Variants in TLE4 observed in about 807,000 individuals in gnomAD.
The protein encoded by TLE4 is transducin-like enhancer protein 4.
In TLE4, 8 loss-of-function variants were observed where a neutral mutation model predicts 92.8. That is an observed-to-expected ratio of 0.09 (90% CI 0.05 to 0.16). The LOEUF (loss-of-function observed/expected upper bound fraction) is 0.16. TLE4 is among the 10% of genes least tolerant of loss of function. The probability of loss-of-function intolerance (pLI) is 1.00; values close to 1 mark genes in which losing one functional copy is unlikely to be tolerated. For synonymous variants in TLE4, 371 were observed against 374.1 expected (o/e 0.99, Z 0.10); for missense variants, 675 against 997.6 (o/e 0.68, Z 4.36).
chr9:79,654,195 C>A, intron 8 of TLE4, 120 bp downstream of exon 8: 2 of 976,708 alleles, frequency 2.0e-6, no homozygotes, highest in Non-Finnish European at 3.1e-6. Flanking sequence ...TAGTGGTTAA[C>A]TGCATTTTTA....
chr9:79,675,931 C>G (rs765787054), intron 8 of TLE4, among the ~76,000 whole-genome samples: 1 of 152,152 alleles, frequency 6.6e-6, no homozygotes, highest in Non-Finnish European at 1.5e-5. Context: ...ATTTTAAATG[C>G]GCAATGAACA....
chr9:79,664,935 T>G (rs2061154364), intron 8 of TLE4, among the ~76,000 whole-genome samples: 1 of 152,164 alleles, frequency 6.6e-6, no homozygotes, highest in Admixed American at 6.5e-5. Context: ...CCCTCTTTCC[T>G]GGGGAGAAAT....
chr9:79,608,624 T>TA, intron 4 of TLE4, among the ~76,000 whole-genome samples: 1 of 152,212 alleles, frequency 6.6e-6, no homozygotes, highest in Admixed American at 6.6e-5. Flanking sequence ...GGTAAAAAGT[T>TA]ATTCTTCAGG....
At chr9:79,606,727 T>C (rs1187602390) in intron 4 of TLE4, among the ~76,000 whole-genome samples, 1 of 152,168 alleles carries the variant, frequency 6.6e-6, no homozygotes, top group African/African-American at 2.4e-5. Flanking sequence ...TATGGCTGCA[T>C]AGTATTCCAT....
intron 9 of TLE4, 104 bp downstream of exon 9, chr9:79,705,006 A>G (rs1272862206): frequency 2.0e-6 from 3 of 1,491,726 alleles, no homozygotes; most frequent in Non-Finnish European, 2.7e-6. Context: ...ACAGGATAAC[A>G]TCCTTTAGGA....
At chr9:79,690,307 G>A (rs1400125834) in intron 8 of TLE4, among the ~76,000 whole-genome samples, 1 of 152,184 alleles carries the variant, frequency 6.6e-6, no homozygotes, top group Non-Finnish European at 1.5e-5. Flanking sequence ...AACGTGAAGT[G>A]TCATTTCTTA....
chr9:79,622,877 C>T (rs1406210168), intron 5 of TLE4, among the ~76,000 whole-genome samples: 1 of 152,148 alleles, frequency 6.6e-6, no homozygotes, highest in Non-Finnish European at 1.5e-5. Flanking sequence ...GAGTTCATCA[C>T]GTGAGAAGCA....
intron 8 of TLE4, among the ~76,000 whole-genome samples, chr9:79,659,773 T>G (rs2060272255): frequency 1.3e-5 from 2 of 152,102 alleles, no homozygotes; most frequent in South Asian, 4.1e-4. Flanking sequence ...TACCACCTAA[T>G]AAGGAAATAG....
Position 79,698,836 on chromosome 9 carries a change from T to G in TLE4, c.610-5947T>G, listed in dbSNP as rs924686122. 2.7e-5 allele frequency among the ~76,000 whole-genome samples: 4 copies of G among 150,080 alleles called. No homozygotes were observed. The East Asian group carries it at 7.7e-4, about 29-fold the overall frequency. Reference sequence around the variant, plus strand: ...TCATTTTAAAGGTTTTATATTTACTTTTTTCCAATTGAGGATTATTTCTTA... The same window carrying G: ...TCATTTTAAAGGTTTTATATTTACTGTTTTCCAATTGAGGATTATTTCTTA... On this transcript the variant is annotated intron_variant, in intron 8 of 19. Transcript: ENST00000376552.
At chr9:79,602,175 A>G (rs2045813146) in intron 4 of TLE4, among the ~76,000 whole-genome samples, 1 of 152,238 alleles carries the variant, frequency 6.6e-6, no homozygotes, top group South Asian at 2.1e-4. Context: ...GAAAGAAACC[A>G]TCTCCATAAT....
chr9:79,582,641 T>A, intron 4 of TLE4, among the ~76,000 whole-genome samples: 1 of 108,624 alleles, frequency 9.2e-6, no homozygotes. Flanking sequence ...TAATGTGGCT[T>A]TTTTTTTTTT....
At chr9:79,573,399 G>A (rs983353556) in intron 1 of TLE4, 2 of 1,192,118 alleles carry the variant, frequency 1.7e-6, no homozygotes, top group East Asian at 4.1e-5. Context: ...CGGCGCGCGG[G>A]TCCCTGGGTG....
At chr9:79,677,827 T>A (rs1157495647) in intron 8 of TLE4, among the ~76,000 whole-genome samples, 4 of 152,112 alleles carry the variant, frequency 2.6e-5, no homozygotes, top group Non-Finnish European at 5.9e-5. Context: ...GGATGCTCTT[T>A]TACTTATAGA....
At chr9:79,611,518 A>ATT (rs2048357537) in intron 4 of TLE4, among the ~76,000 whole-genome samples, 1 of 152,078 alleles carries the variant, frequency 6.6e-6, no homozygotes, top group South Asian at 2.1e-4. Flanking sequence ...TGTCACTGTC[A>ATT]TTCTGGTAAT....
intron 4 of TLE4, among the ~76,000 whole-genome samples, chr9:79,586,437 C>G (rs1223246027): frequency 6.6e-6 from 1 of 151,866 alleles, no homozygotes; most frequent in Non-Finnish European, 1.5e-5. Flanking sequence ...TAATTTTCTT[C>G]CAAAGATGTG....
At chr9:79,615,116 TTTC>T (rs2049230101) in intron 5 of TLE4, among the ~76,000 whole-genome samples, 2 of 152,196 alleles carry the variant, frequency 1.3e-5, no homozygotes, top group South Asian at 2.1e-4. Context: ...GTCCACCTTG[TTTC>T]TTCTTCTGTG....
At chr9:79,624,576 C>T (rs2051986157) in intron 5 of TLE4, among the ~76,000 whole-genome samples, 1 of 152,200 alleles carries the variant, frequency 6.6e-6, no homozygotes, top group African/African-American at 2.4e-5. Flanking sequence ...ATCATGACTT[C>T]CATTGTCATT....
chr9:79,642,375 C>T (rs1372511836), intron 6 of TLE4, among the ~76,000 whole-genome samples: 2 of 151,930 alleles, frequency 1.3e-5, no homozygotes, highest in African/African-American at 4.8e-5. Flanking sequence ...CCTGCCTCAG[C>T]CTCCCGAGTA....
chr9:79,657,638 G>A (rs955883928), intron 8 of TLE4, among the ~76,000 whole-genome samples: 1 of 152,122 alleles, frequency 6.6e-6, no homozygotes, highest in Non-Finnish European at 1.5e-5. Context: ...TTTTCTGAGT[G>A]ACTGAAATGA....
Sources: allele counts gnomAD v4.1 joint callset (sites outside exome capture counted in the v4.1 genomes callset), GRCh38; gene constraint gnomAD v4.1.1; transcripts MANE v1.5; gene names NCBI Gene and HGNC (gene_info 2026-07-23, HGNC 2026-07-21).